ZNF516: variants seen among roughly 807,000 people sequenced by gnomAD.
The protein encoded by ZNF516 is zinc finger protein 516.
ZNF516 carries 19 observed loss-of-function variants against 79.7 expected under a neutral mutation model. That is an observed-to-expected ratio of 0.24 (90% confidence interval 0.17 to 0.35). The LOEUF (loss-of-function observed/expected upper bound fraction) is 0.35. Among genes scored for constraint, ZNF516 ranks in the 10% least tolerant of loss-of-function variants. The pLI is 1.00. For synonymous variants in ZNF516, 877 were observed against 739.5 expected (o/e 1.19, Z -3.02); for missense variants, 1,678 against 1,679.5 (o/e 1.00, Z 0.02).
chr18:76,435,418 G>A (rs2075718839), intron 3 of ZNF516, among the ~76,000 whole-genome samples: 1 of 152,186 alleles, frequency 6.6e-6, no homozygotes, highest in Non-Finnish European at 1.5e-5. Flanking sequence ...GTATTTAGGA[G>A]ACACTATTCT....
intron 2 of ZNF516, among the ~76,000 whole-genome samples, chr18:76,452,998 G>A (rs528538999): frequency 1.1e-4 from 17 of 152,136 alleles, no homozygotes; most frequent in Non-Finnish European, 1.8e-4. Context: ...AAGGAGCCTC[G>A]TTCCCTTTCT....
At chr18:76,376,571 T>G (rs764687506) in intron 4 of ZNF516, among the ~76,000 whole-genome samples, 3 of 152,112 alleles carry the variant, frequency 2.0e-5, no homozygotes, top group Admixed American at 6.5e-5. Context: ...CATTTATTTT[T>G]TAAAATGTCT....
intron 2 of ZNF516, among the ~76,000 whole-genome samples, chr18:76,450,704 G>T (rs1425837289): frequency 6.6e-6 from 1 of 152,136 alleles, no homozygotes; most frequent in African/African-American, 2.4e-5. Context: ...TAAAAAATCA[G>T]CAACGCGGTG....
Position 76,379,049 on chromosome 18 carries a change from C to T in ZNF516, c.3065G>A (p.Gly1022Asp). 2 of 1,610,644 alleles carry T rather than the reference C, an allele frequency of 1.2e-6. No homozygotes were observed. The highest frequency in any genetic ancestry group is 2.2e-5 in the East Asian group (1 of 44,850). The change falls in exon 4 of 7, where the codon GGC becomes GAC. Residue 1022 changes from glycine to aspartate, a missense_variant. Coordinates refer to ENST00000443185, the MANE Select transcript of ZNF516 (RefSeq NM_014643.4). ...GGGCTGGGCCTGCAAGGCCGCGTCG[C>T]CCCTGGACCCCGCAGCACAGGTGGC... ...TLATCAAGSR[G>D]DAALQAQPGV...
intron 1 of ZNF516, among the ~76,000 whole-genome samples, 153 bp downstream of exon 1, chr18:76,494,991 G>T (rs896800084): frequency 4.4e-4 from 65 of 147,792 alleles, no homozygotes; most frequent in Non-Finnish European, 8.0e-4. Flanking sequence ...CGCCCGGGGG[G>T]CCCCTCCCCG....
intron 3 of ZNF516, among the ~76,000 whole-genome samples, chr18:76,418,671 T>C (rs1222593047): frequency 2.0e-5 from 3 of 152,150 alleles, no homozygotes; most frequent in African/African-American, 7.2e-5. Context: ...TACCTCTAAA[T>C]GTGAAAAAAA....
At chr18:76,449,557 T>C (rs1444605665) in intron 2 of ZNF516, among the ~76,000 whole-genome samples, 2 of 152,258 alleles carry the variant, frequency 1.3e-5, no homozygotes, top group Non-Finnish European at 2.9e-5. Context: ...GCAAGTGTCT[T>C]AGCCTCTCTA....
rs76201587 is a variant in ZNF516 at position 76,407,138 on chromosome 18, G to A, written c.1811-26835C>T. ...GTGGATTCAAGGACACCCAGGGCAG[G>A]CATGGTGGCTGACACCTATCATCTC... On this transcript the variant is annotated intron_variant, in intron 3 of 6. Transcript: ENST00000443185. Among the ~76,000 whole-genome samples the A allele has an allele frequency of 5.4e-3, 815 of 152,280 alleles. 10 individuals carry two copies. Among genetic ancestry groups the A allele is most frequent in the African/African-American group, 0.018 (744 of 41,556 alleles).
At chr18:76,490,918 G>A in intron 1 of ZNF516, 2 of 985,528 alleles carry the variant, frequency 2.0e-6, no homozygotes, top group Non-Finnish European at 2.4e-6. Context: ...AGCCATCCCC[G>A]GCCTCTTTAC....
intron 2 of ZNF516, among the ~76,000 whole-genome samples, chr18:76,444,516 G>A (rs747172597): frequency 7.9e-5 from 12 of 152,062 alleles, no homozygotes; most frequent in Non-Finnish European, 1.2e-4. Flanking sequence ...CCATATTTCC[G>A]GCTGGGAAGC....
chr18:76,459,083 C>T lies in ZNF516; in HGVS notation c.-158+3945G>A, dbSNP rs1290579271. Among the ~76,000 whole-genome samples, 1 of 152,224 alleles carries T rather than the reference C, an allele frequency of 6.6e-6. No individual in the cohort carries two copies. Among genetic ancestry groups the T allele is most frequent in the African/African-American group, 2.4e-5 (1 of 41,456 alleles). On this transcript the variant is annotated intron_variant, in intron 2 of 6. Coordinates refer to ENST00000443185, the MANE Select transcript of ZNF516 (RefSeq NM_014643.4). This position sits in a 1 kb window ranked among gnomAD's most constrained non-coding sequence, Gnocchi z 5.0. ...TTCAAATACCCTACCTGGAGGCAAACACGCATGTCCACTTCCAACAATCTA... is the reference window on the plus strand; with the variant it reads ...TTCAAATACCCTACCTGGAGGCAAATACGCATGTCCACTTCCAACAATCTA...
At chr18:76,390,702 G>T (rs1207557321) in intron 3 of ZNF516, among the ~76,000 whole-genome samples, 1 of 152,170 alleles carries the variant, frequency 6.6e-6, no homozygotes, top group African/African-American at 2.4e-5. Context: ...TTATCCTTTG[G>T]AGAGGAGAAG....
At chr18:76,495,685 T>C, upstream of ZNF516, 1 of 1,192,598 alleles carries the variant, frequency 8.4e-7, no homozygotes, top group African/African-American at 1.7e-5. Flanking sequence ...CACACGCGCA[T>C]CCATACGTAC....
intron 3 of ZNF516, among the ~76,000 whole-genome samples, chr18:76,414,195 A>G (rs1189560410): frequency 1.3e-5 from 2 of 152,328 alleles, no homozygotes; most frequent in Middle Eastern, 3.4e-3. Context: ...AGCATTACCA[A>G]TTGTTTACAA....
intron 3 of ZNF516, among the ~76,000 whole-genome samples, chr18:76,414,981 T>C (rs1415170898): frequency 6.6e-6 from 1 of 152,206 alleles, no homozygotes. Flanking sequence ...GCAGATCACC[T>C]GAGGTCAGGA....
chr18:76,404,816 C>T (rs2075282864), intron 3 of ZNF516, among the ~76,000 whole-genome samples: 1 of 148,456 alleles, frequency 6.7e-6, no homozygotes, highest in African/African-American at 2.4e-5. Context: ...AGCATGTGTG[C>T]ACGAGTTTGC....
intron 2 of ZNF516, among the ~76,000 whole-genome samples, chr18:76,450,841 T>C (rs1488520475): frequency 1.3e-5 from 2 of 152,204 alleles, no homozygotes; most frequent in East Asian, 3.8e-4. Flanking sequence ...ACAGGAAATC[T>C]TGCCATTTTC....
At chr18:76,484,403 A>G (rs1210411227) in intron 1 of ZNF516, among the ~76,000 whole-genome samples, 1 of 152,212 alleles carries the variant, frequency 6.6e-6, no homozygotes, top group Non-Finnish European at 1.5e-5. Flanking sequence ...AAACATAAAC[A>G]ATCACGAAAG....
intron 2 of ZNF516, among the ~76,000 whole-genome samples, chr18:76,461,249 C>T (rs1285938001): frequency 6.6e-6 from 1 of 152,186 alleles, no homozygotes; most frequent in African/African-American, 2.4e-5. Flanking sequence ...CTAAACCAAG[C>T]TCCTCCTGGA....
Sources: gnomAD v4.1 joint callset for allele counts (sites outside exome capture counted in the v4.1 genomes callset) on GRCh38, gnomAD v4.1.1 for gene constraint, Gnocchi (gnomAD v3.1) non-coding constraint, MANE v1.5 for transcripts, NCBI Gene and HGNC (gene_info 2026-07-23, HGNC 2026-07-21) for gene names.